The following ZC3H12B variants were observed in gnomAD, a reference collection of about 807,000 sequenced individuals.
The protein encoded by ZC3H12B is probable ribonuclease ZC3H12B.
In ZC3H12B, 7 loss-of-function variants were observed where a neutral mutation model predicts 43.9. That is an observed-to-expected ratio of 0.16 (90% CI 0.09 to 0.30). The LOEUF (loss-of-function observed/expected upper bound fraction) is 0.30. ZC3H12B is among the 10% of genes least tolerant of loss of function. The pLI is 1.00. For missense variants in ZC3H12B, 475 were observed against 670.2 expected, an observed-to-expected ratio of 0.71 and a Z score of 3.22; for synonymous variants, 222 against 241.7, an observed-to-expected ratio of 0.92 and a Z score of 0.76.
At chrX:65,161,067 A>G in the ZC3H12B span, among the ~76,000 whole-genome samples, 27 of 110,808 alleles carry the variant, frequency 2.4e-4, no homozygotes, top group South Asian at 2.3e-3. Context: ...GTAGTTGAGC[A>G]GTTTTTAGTG....
intron 2 of ZC3H12B, among the ~76,000 whole-genome samples, chrX:65,378,017 T>C (rs988059001): frequency 9.0e-6 from 1 of 110,560 alleles, no homozygotes; most frequent in Non-Finnish European, 1.9e-5. Context: ...GAGAATGGCA[T>C]GAACCTGGGG....
rs1446847049 is a variant in ZC3H12B, at chrX:65,491,722, T to A, written c.608+2313T>A. 2.8e-3 allele frequency among the ~76,000 whole-genome samples: 281 copies of A among 101,644 alleles called. 1 individual carries two copies. The highest frequency in any genetic ancestry group is 9.7e-3 in the African/African-American group (249 of 25,802). The allele number at this position is 101,644 out of a possible 115,157, so 88.3% of individuals were successfully genotyped here. A position where few individuals can be genotyped will look rare whatever the true frequency, so the allele number is the denominator to read the frequency against. On this transcript the variant is annotated intron_variant, in intron 1 of 4. Coordinates refer to ENST00000338957, the Ensembl canonical transcript of ZC3H12B. ...GCCCTATTTAAAAAAAAAATATATA[T>A]ATATATATATATATGACATATTTGC... is the stretch of plus-strand genomic sequence containing the variant.
chrX:65,132,590 G>A, the ZC3H12B span, among the ~76,000 whole-genome samples: 5 of 110,780 alleles, frequency 4.5e-5, no homozygotes, highest in Admixed American at 9.6e-5. Flanking sequence ...GAATAGTCAG[G>A]GAAGCAGATA....
At chrX:65,359,663 A>G in the ZC3H12B span, among the ~76,000 whole-genome samples, 1 of 112,456 alleles carries the variant, frequency 8.9e-6, no homozygotes, top group Non-Finnish European at 1.9e-5. Context: ...ATAAATGAGG[A>G]ATTGCTTTTT....
At chrX:65,337,751 AAATT>A in the ZC3H12B span, among the ~76,000 whole-genome samples, 1 of 112,725 alleles carries the variant, frequency 8.9e-6, no homozygotes. Flanking sequence ...ATCTTTTTGA[AAATT>A]AATCAGAAAC....
At chrX:65,298,036 C>G in the ZC3H12B span, among the ~76,000 whole-genome samples, 1 of 111,810 alleles carries the variant, frequency 8.9e-6, no homozygotes, top group African/African-American at 3.2e-5. Context: ...AGACTGGGAA[C>G]CATAAAAATT....
At chrX:65,253,302 C>G in the ZC3H12B span, among the ~76,000 whole-genome samples, 1 of 112,381 alleles carries the variant, frequency 8.9e-6, no homozygotes, top group Admixed American at 9.4e-5. Flanking sequence ...TCCCCAACAA[C>G]TCCTGGGGAA....
intron 3 of ZC3H12B, among the ~76,000 whole-genome samples, chrX:65,411,891 G>A (rs1002598050): frequency 9.5e-5 from 10 of 104,832 alleles, no homozygotes; most frequent in African/African-American, 2.8e-4. Flanking sequence ...AAATATAGAC[G>A]CCCACAAAAA....
chrX:65,141,815 C>G, the ZC3H12B span, among the ~76,000 whole-genome samples: 5 of 111,708 alleles, frequency 4.5e-5, no homozygotes, highest in Non-Finnish European at 9.4e-5. Context: ...AGTCCCCAAT[C>G]TCATCCAGGT....
At chrX:65,134,072 G>A in the ZC3H12B span, among the ~76,000 whole-genome samples, 1 of 110,915 alleles carries the variant, frequency 9.0e-6, no homozygotes, top group African/African-American at 3.3e-5. Context: ...TCAGGCGAGA[G>A]TTGAAGAGAT....
the ZC3H12B span, among the ~76,000 whole-genome samples, chrX:65,183,877 G>T: frequency 3.6e-5 from 4 of 111,367 alleles, no homozygotes; most frequent in Admixed American, 3.9e-4. Context: ...ATTTGGGGAA[G>T]TTTTTACCTG....
the ZC3H12B span, among the ~76,000 whole-genome samples, chrX:65,115,102 A>ACATG: frequency 9.3e-6 from 1 of 107,948 alleles, no homozygotes; most frequent in African/African-American, 3.4e-5. Context: ...GTATGTGATT[A>ACATG]CATGAATAAG....
chrX:65,350,894 C>G, the ZC3H12B span, among the ~76,000 whole-genome samples: 1 of 111,713 alleles, frequency 9.0e-6, no homozygotes, highest in Non-Finnish European at 1.9e-5. Flanking sequence ...GCCATACTGC[C>G]TAAAGTAATT....
chrX:65,486,151 A>G (rs1181003044), upstream of ZC3H12B, among the ~76,000 whole-genome samples: 1 of 112,458 alleles, frequency 8.9e-6, no homozygotes, highest in Non-Finnish European at 1.9e-5. Flanking sequence ...AAAATTTGCA[A>G]GTAACTTAGG....
chrX:65,192,432 G>T, the ZC3H12B span, among the ~76,000 whole-genome samples: 1 of 111,292 alleles, frequency 9.0e-6, no homozygotes, highest in African/African-American at 3.3e-5. Flanking sequence ...TCATGTTTTA[G>T]ATCTTAGATA....
chrX:65,390,686 A>G (rs887246288), intron 2 of ZC3H12B, among the ~76,000 whole-genome samples: 2 of 109,340 alleles, frequency 1.8e-5, no homozygotes, highest in African/African-American at 6.7e-5. Context: ...AAATATATCA[A>G]CAAACACCAG....
At chrX:65,160,525 C>T in the ZC3H12B span, among the ~76,000 whole-genome samples, 1 of 111,562 alleles carries the variant, frequency 9.0e-6, no homozygotes, top group Non-Finnish European at 1.9e-5. Context: ...TCCATTTCTT[C>T]TAGATTTTCT....
the ZC3H12B span, among the ~76,000 whole-genome samples, chrX:65,281,284 G>T: frequency 1.8e-4 from 19 of 104,210 alleles, no homozygotes; most frequent in African/African-American, 6.7e-4. Flanking sequence ...CCCCAGGGTA[G>T]AGTGCAGAGG....
At chrX:65,254,441 G>A in the ZC3H12B span, among the ~76,000 whole-genome samples, 9 of 112,458 alleles carry the variant, frequency 8.0e-5, no homozygotes, top group African/African-American at 2.9e-4. Context: ...CAACAGTGTT[G>A]AGCTGAGCCT....
Sources: gnomAD v4.1 joint callset for allele counts (sites outside exome capture counted in the v4.1 genomes callset) on GRCh38, gnomAD v4.1.1 for gene constraint, MANE v1.5 for transcripts, NCBI Gene and HGNC (gene_info 2026-07-23, HGNC 2026-07-21) for gene names.